Variants in SPEG observed in about 807,000 individuals in gnomAD.
SPEG encodes the protein striated muscle preferentially expressed protein kinase.
SPEG carries 114 observed loss-of-function variants against 300.4 expected under a neutral mutation model. The ratio of observed to expected loss-of-function variants is 0.38; its 90% CI spans 0.33 to 0.44. The LOEUF is 0.44. Ranked by LOEUF, SPEG falls within the 20% of genes least tolerant of loss-of-function variation. SPEG has a pLI of 1.00. For synonymous variants in SPEG, 1,964 were observed against 2,018.9 expected, an observed-to-expected ratio of 0.97 and a Z score of 0.73; for missense variants, 4,201 against 4,586.2, an observed-to-expected ratio of 0.92 and a Z score of 2.43.
Position 219,449,059 on chromosome 2 carries a change from C to T in SPEG, c.1901C>T (p.Pro634Leu), listed in dbSNP as rs1420285158. The T allele has an allele frequency of 6.6e-7, 1 of 1,517,652 alleles. No individual in the cohort carries two copies. Among genetic ancestry groups the T allele is most frequent in the African/African-American group, 1.4e-5 (1 of 69,328 alleles). The allele number at this position is 1,517,652 out of a possible 1,614,324, so 94.0% of individuals were successfully genotyped here. A position where few individuals can be genotyped will look rare whatever the true frequency, so the allele number is the denominator to read the frequency against. Residue 634 changes from proline (P) to leucine (L), a missense_variant, in exon 4 of 41, where the codon CCG becomes CTG. Transcript: ENST00000312358. ...CCCCCCGGTCGGAAGCGGGAGCCCC[C>T]GGCGCAGGCCGTGCGCTTCCTGCCC... ...KAPPGRKREP[P>L]AQAVRFLPWA...
intron 6 of SPEG, among the ~76,000 whole-genome samples, chr2:219,456,160 G>C (rs1690161874): frequency 6.6e-6 from 1 of 152,248 alleles, no homozygotes; most frequent in Non-Finnish European, 1.5e-5. Flanking sequence ...AGCCCATTCT[G>C]GTCCCACTCA....
At chr2:219,441,895 C>T (rs1025602944) in intron 1 of SPEG, 26 of 219,056 alleles carry the variant, frequency 1.2e-4, no homozygotes, top group Middle Eastern at 1.7e-3. Flanking sequence ...CCGTCGCCGC[C>T]TTACCCCCAC....
At chr2:219,487,111 C>T (rs993863639) in intron 31 of SPEG, among the ~76,000 whole-genome samples, 2 of 152,134 alleles carry the variant, frequency 1.3e-5, no homozygotes, top group African/African-American at 2.4e-5. Flanking sequence ...TCCCCTATCC[C>T]CACCCTTCAC....
rs1690331262 is a variant in SPEG at position 219,458,081 on chromosome 2, T to C, written c.2441-3801T>C. ...ACCACCCAGAAGGCTCCTGAGGACA[T>C]GACCATGTCTTTGCCACTCCTTAGC... is the stretch of plus-strand genomic sequence containing the variant. On this transcript the variant is annotated intron_variant, in intron 6 of 40. Coordinates refer to ENST00000312358, the MANE Select transcript of SPEG (RefSeq NM_005876.5). The surrounding 1 kb of genome is among the most constrained non-coding windows in gnomAD (Gnocchi z 4.2). Among the ~76,000 whole-genome samples, 1 of 152,122 alleles carries C rather than the reference T, an allele frequency of 6.6e-6. No individual in the cohort carries two copies. The highest frequency in any genetic ancestry group is 2.1e-4 in the South Asian group (1 of 4,816).
At chr2:219,463,696 G>A (rs566456371) in intron 8 of SPEG, among the ~76,000 whole-genome samples, 9 of 149,266 alleles carry the variant, frequency 6.0e-5, no homozygotes, top group Admixed American at 2.0e-4. Flanking sequence ...ATGAACCACC[G>A]TGCCCAGCCC....
chr2:219,471,757 C>A, intron 13 of SPEG, 111 bp from the exon 14 acceptor site: 1 of 1,384,532 alleles, frequency 7.2e-7, no homozygotes, highest in Non-Finnish European at 9.9e-7. Flanking sequence ...TGCCCACTCG[C>A]CTCCTCCCTG....
rs71040459 is a variant in SPEG at position 219,463,392 on chromosome 2, A to ATTTTTTTTT, written c.2706-1011_2706-1003dup. Among the ~76,000 whole-genome samples, 6 of 23,946 alleles carry ATTTTTTTTT rather than the reference A, an allele frequency of 2.5e-4. 3 individuals are homozygous for ATTTTTTTTT. Among genetic ancestry groups the ATTTTTTTTT allele is most frequent in the South Asian group, 4.4e-3 (2 of 452 alleles). The allele number at this position is 23,946 out of a possible 152,430, so 15.7% of individuals were successfully genotyped here. Reference sequence around the variant, plus strand: ...AATTGATTGTCTGGTCCCCACTGTGATTTTTTTTTTTTTTTTTTTTTTTTT... The same window carrying ATTTTTTTTT: ...AATTGATTGTCTGGTCCCCACTGTGATTTTTTTTTTTTTTTTTTTTTTTTTTTTTTTTTT... On this transcript the variant is annotated intron_variant, in intron 8 of 40. Transcript: ENST00000312358.
intron 6 of SPEG, chr2:219,461,555 G>A: frequency 8.4e-7 from 1 of 1,197,006 alleles, no homozygotes; most frequent in Non-Finnish European, 1.0e-6. Flanking sequence ...CAGGAATGTG[G>A]GTGCCCTGCT....
chr2:219,447,624 T>G (rs561920753), intron 3 of SPEG, among the ~76,000 whole-genome samples: 2 of 143,460 alleles, frequency 1.4e-5, no homozygotes, highest in Admixed American at 1.4e-4. Flanking sequence ...CCCCACTTCA[T>G]CCTTTGGGTC....
intron 4 of SPEG, among the ~76,000 whole-genome samples, chr2:219,449,783 C>T (rs1487272469): frequency 6.6e-6 from 1 of 152,160 alleles, no homozygotes; most frequent in Non-Finnish European, 1.5e-5. Context: ...TCCCCTGACC[C>T]ATGTGTGGCC....
At chr2:219,466,461 C>T (rs189568781) in intron 9 of SPEG, 10 of 1,196,718 alleles carry the variant, frequency 8.4e-6, no homozygotes, top group Middle Eastern at 6.9e-4. Context: ...AAGGATGCCT[C>T]GGAGCTGAGG....
intron 31 of SPEG, among the ~76,000 whole-genome samples, chr2:219,487,090 C>A (rs896790454): frequency 2.0e-5 from 3 of 152,076 alleles, no homozygotes; most frequent in Non-Finnish European, 4.4e-5. Context: ...ATAAAATCCA[C>A]CCCCAAGTCC....
chr2:219,462,097 C>T (rs745461347), intron 7 of SPEG, 40 bp downstream of exon 7: 1 of 1,522,582 alleles, frequency 6.6e-7, no homozygotes, highest in Non-Finnish European at 8.9e-7. Flanking sequence ...CCTGTGTGCC[C>T]CCGTTCCTTT....
chr2:219,485,125 G>C, intron 30 of SPEG, 53 bp downstream of exon 30: 1 of 1,519,264 alleles, frequency 6.6e-7, no homozygotes, highest in Non-Finnish European at 8.8e-7. Context: ...GGGGTGCGCT[G>C]GAGAGAGGCT....
At chr2:219,472,085 C>T (rs1691927001) in intron 14 of SPEG, 98 bp downstream of exon 14, 5 of 1,546,616 alleles carry the variant, frequency 3.2e-6, no homozygotes, top group Middle Eastern at 1.9e-4. Flanking sequence ...CTCCCTTCCC[C>T]TCCATCCCCT....
rs1690385148 is a variant in SPEG, at chr2:219,458,619, A to G, written c.2441-3263A>G. Among the ~76,000 whole-genome samples the G allele has an allele frequency of 6.6e-6, 1 of 152,184 alleles. No homozygotes were observed. Among genetic ancestry groups the G allele is most frequent in the African/African-American group, 2.4e-5 (1 of 41,442 alleles). On this transcript the variant is annotated intron_variant, in intron 6 of 40. Transcript: ENST00000312358. The surrounding 1 kb of genome is among the most constrained non-coding windows in gnomAD (Gnocchi z 4.2). The stretch of plus-strand genomic sequence containing the variant: ...GACCAGGTCATGCCAGGGGAAGCAC[A>G]TGGGCTGTGTAGCCAAACCTCCTAG...
At chr2:219,437,917 A>G (rs1954761016) in intron 1 of SPEG, among the ~76,000 whole-genome samples, 1 of 152,206 alleles carries the variant, frequency 6.6e-6, no homozygotes, top group African/African-American at 2.4e-5. Context: ...TACTCGAGGA[A>G]GCCAAGCAAG....
Position 219,493,621 on chromosome 2 carries a change from C to A in SPEG, c.*835C>A, listed in dbSNP as rs749653493. ...GTCTGCCACAAGGAAATAAAAATGG[C>A]AAGCAGCATAACCTGTGTGTCTATT... On this transcript the variant is annotated 3_prime_UTR_variant, in exon 41 of 41. Transcript: ENST00000312358. 2.2e-6 allele frequency: 1 copy of A among 460,866 alleles called. No homozygotes were observed. The highest frequency in any genetic ancestry group is 1.5e-5 in the South Asian group (1 of 64,886). The allele number at this position is 460,866 out of a possible 1,614,324, so 28.5% of individuals were successfully genotyped here.
At position 219,459,678 on chromosome 2, in the gene SPEG, T is replaced by C. The variant is rs1690482314; in HGVS notation, c.2441-2204T>C. Among the ~76,000 whole-genome samples, 1 of 152,124 alleles carries C rather than the reference T, an allele frequency of 6.6e-6. No individual in the cohort carries two copies. The highest frequency in any genetic ancestry group is 1.5e-5 in the Non-Finnish European group (1 of 68,004). ...GGGCCCGTGAGCCTCCTCAGTACTG[T>C]CCAGCCTGGAGGTGACCCTGGGGCA... On this transcript the variant is annotated intron_variant, in intron 6 of 40. Transcript: ENST00000312358. The surrounding 1 kb of genome is among the most constrained non-coding windows in gnomAD (Gnocchi z 4.9).
Sources: gnomAD v4.1 joint callset for allele counts (sites outside exome capture counted in the v4.1 genomes callset) on GRCh38, gnomAD v4.1.1 for gene constraint, Gnocchi (gnomAD v3.1) non-coding constraint, MANE v1.5 for transcripts, NCBI Gene and HGNC (gene_info 2026-07-23, HGNC 2026-07-21) for gene names.